The following OTUD5 variants were observed in gnomAD, a reference collection of about 807,000 sequenced individuals.
OTUD5 encodes OTU deubiquitinase 5.
Under a neutral mutation model 36.3 loss-of-function variants are expected in OTUD5, and 2 were observed. That is an observed-to-expected ratio of 0.06 (90% confidence interval 0.02 to 0.17). OTUD5 has a LOEUF of 0.17. Ranked by LOEUF, OTUD5 falls within the 10% of genes least tolerant of loss-of-function variation. The pLI is 1.00. For missense variants in OTUD5, 233 were observed against 512.3 expected (o/e 0.45, Z 5.26); for synonymous variants, 234 against 214.9 (o/e 1.09, Z -0.78).
chrX:48,929,314 G>C (rs924093579), intron 5 of OTUD5, among the ~76,000 whole-genome samples: 3 of 110,607 alleles, frequency 2.7e-5, no homozygotes, highest in African/African-American at 9.9e-5. Context: ...CTTGAACCAC[G>C]GAGGCTGAGG....
intron 5 of OTUD5, among the ~76,000 whole-genome samples, chrX:48,928,231 A>T (rs2063696090): frequency 8.9e-6 from 1 of 112,050 alleles, no homozygotes; most frequent in Admixed American, 9.5e-5. Context: ...ATCAAAACAT[A>T]ATCTTACAAC....
rs2063982327 is a variant in OTUD5 at position 48,944,181 on chromosome X, G to A, written c.688+9C>T. On this transcript the variant is annotated intron_variant, in intron 2 of 8. Transcript: ENST00000376488. Reference sequence around the variant, plus strand: ...CCCTAGGCCCTTAAGGACTAAGGCAGAGACTCACCTACAGCCCGGAAGAGA... The same window carrying A: ...CCCTAGGCCCTTAAGGACTAAGGCAAAGACTCACCTACAGCCCGGAAGAGA... The A allele has an allele frequency of 7.6e-6, 9 of 1,178,964 alleles. No homozygotes were observed. The highest frequency in any genetic ancestry group is 2.3e-4 in the Middle Eastern group (1 of 4,256).
At chrX:48,951,147 G>C (rs1231276917) in intron 1 of OTUD5, among the ~76,000 whole-genome samples, 1 of 108,536 alleles carries the variant, frequency 9.2e-6, no homozygotes, top group Non-Finnish European at 1.9e-5. Flanking sequence ...TGGGGGTGGG[G>C]TGGGGGGGCA....
At chrX:48,929,911 G>A (rs1407045636) in intron 5 of OTUD5, among the ~76,000 whole-genome samples, 2 of 110,131 alleles carry the variant, frequency 1.8e-5, no homozygotes, top group Non-Finnish European at 3.8e-5. Flanking sequence ...AGACCATCCT[G>A]GCTAAGACGG....
At chrX:48,942,193 C>A (rs1557051213) in intron 2 of OTUD5, among the ~76,000 whole-genome samples, 5 of 101,347 alleles carry the variant, frequency 4.9e-5, no homozygotes, top group Non-Finnish European at 1.0e-4. Context: ...CTAGCTAGCC[C>A]CAAGGGTCGG....
At chrX:48,957,720 G>T (rs1433376323), upstream of OTUD5, 2 of 782,169 alleles carry the variant, frequency 2.6e-6, no homozygotes, top group East Asian at 1.3e-4. Flanking sequence ...AACCCTCGGC[G>T]GCGGAGGAGG....
At chrX:48,938,107 A>C (rs1241310664) in intron 2 of OTUD5, among the ~76,000 whole-genome samples, 2 of 112,156 alleles carry the variant, frequency 1.8e-5, no homozygotes, top group Non-Finnish European at 1.9e-5. Flanking sequence ...TTCTTTACTT[A>C]TCTGTAAAAT....
intron 5 of OTUD5, among the ~76,000 whole-genome samples, chrX:48,933,496 ACCTCTG>A (rs1167825081): frequency 3.7e-5 from 4 of 108,599 alleles, no homozygotes; most frequent in African/African-American, 1.3e-4. Flanking sequence ...GCTCACTGCA[ACCTCTG>A]CCTCCCAGTT....
chrX:48,932,465 C>G (rs2063770335), intron 5 of OTUD5, among the ~76,000 whole-genome samples: 1 of 109,948 alleles, frequency 9.1e-6, no homozygotes, highest in Non-Finnish European at 1.9e-5. Flanking sequence ...GCTCGGATTA[C>G]AGGTGTGTGC....
chrX:48,928,372 T>G (rs1200416755), intron 5 of OTUD5, among the ~76,000 whole-genome samples: 2 of 112,243 alleles, frequency 1.8e-5, no homozygotes, highest in East Asian at 5.5e-4. Context: ...CAAGAATGTC[T>G]TTTAATAGGT....
chrX:48,953,010 A>G (rs2064173619), intron 1 of OTUD5, among the ~76,000 whole-genome samples: 1 of 112,345 alleles, frequency 8.9e-6, no homozygotes, highest in Admixed American at 9.4e-5. Flanking sequence ...GTGCAAGGTC[A>G]GACACACCTG....
chrX:48,940,101 G>C lies in OTUD5; in HGVS notation c.688+4089C>G, dbSNP rs371692377. On this transcript the variant is annotated intron_variant, in intron 2 of 8. Coordinates refer to ENST00000376488, the MANE Select transcript of OTUD5 (RefSeq NM_001136157.2). ...TCCTGAGGAGATGAGCCAGGACAAA[G>C]GTCTCACTTGCCTGTCAAGCAGCTG... 6.1e-5 allele frequency: 7 copies of C among 113,825 alleles called. No individual in the cohort carries two copies. The East Asian group carries it at 1.1e-3, about 18-fold the overall frequency. The allele number at this position is 113,825 out of a possible 1,213,427, so 9.4% of individuals were successfully genotyped here. A position where few individuals can be genotyped will look rare whatever the true frequency, so the allele number is the denominator to read the frequency against.
chrX:48,929,264 T>C (rs1361363398), intron 5 of OTUD5, among the ~76,000 whole-genome samples: 2 of 109,871 alleles, frequency 1.8e-5, no homozygotes, highest in Non-Finnish European at 3.8e-5. Context: ...GGCGCGTGCC[T>C]GTAATCCCAG....
intron 5 of OTUD5, among the ~76,000 whole-genome samples, chrX:48,930,206 A>C (rs1602378511): frequency 8.9e-6 from 1 of 112,667 alleles, no homozygotes; most frequent in East Asian, 2.8e-4. Context: ...CTGTAACACC[A>C]AAGGCAAAAA....
chrX:48,935,157 C>A (rs782064460), intron 2 of OTUD5, 139 bp from the exon 3 acceptor site: 14 of 567,559 alleles, frequency 2.5e-5, no homozygotes, highest in Admixed American at 9.6e-5. Context: ...AGAGTTCTTG[C>A]CCTTGTAGGC....
At position 48,923,742 on chromosome X, in the gene OTUD5, T is replaced by G. The variant is rs1188371589; in HGVS notation, c.1470A>C (p.Thr490=). 1 of 1,201,106 alleles carries G rather than the reference T, an allele frequency of 8.3e-7. No individual in the cohort carries two copies. Among genetic ancestry groups the G allele is most frequent in the Non-Finnish European group, 1.1e-6 (1 of 887,369 alleles). ...CGGCCCCTGCCGAGAACTGACTGCT[T>G]GTACCTGAAGCAGACGGACAGTCAA... ...AKPPSPCAPG[T]SSQFSAGADR... The change falls in exon 8 of 9, where the codon ACA becomes ACC. Residue 490 remains threonine, a synonymous_variant. Transcript: ENST00000376488.
Position 48,942,299 on chromosome X carries a change from T to TACACACACACACACACAC in OTUD5, c.688+1873_688+1890dup, listed in dbSNP as rs61325018. Among the ~76,000 whole-genome samples the TACACACACACACACACAC allele has an allele frequency of 1.1e-3, 59 of 55,013 alleles. 1 individual carries two copies. The highest frequency in any genetic ancestry group is 1.6e-3 in the Non-Finnish European group (47 of 28,725). The allele number at this position is 55,013 out of a possible 115,157, so 47.8% of individuals were successfully genotyped here. A position where few individuals can be genotyped will look rare whatever the true frequency, so the allele number is the denominator to read the frequency against. On this transcript the variant is annotated intron_variant, in intron 2 of 8. Transcript: ENST00000376488. Reference sequence around the variant, plus strand: ...CACACACAGAGAACAGCTAGCTAGATACACACACACACACACACACACACA... The same window carrying TACACACACACACACACAC: ...CACACACAGAGAACAGCTAGCTAGATACACACACACACACACACACACACACACACACACACACACACA...
At chrX:48,957,971 G>A, upstream of OTUD5, 2 of 269,183 alleles carry the variant, frequency 7.4e-6, no homozygotes, top group Non-Finnish European at 1.0e-5. Context: ...GGGGCGCTGC[G>A]CACGCGCGCC....
At position 48,949,819 on chromosome X, in the gene OTUD5, C is replaced by CT. The variant is rs201305894; in HGVS notation, c.595-5537dup. On this transcript the variant is annotated intron_variant, in intron 1 of 8. Coordinates refer to ENST00000376488, the MANE Select transcript of OTUD5 (RefSeq NM_001136157.2). ...AGTGAGCCAAGATTACGCCACTGCA[C>CT]TCCAGCCTGGGTGACAGAGGCCAGC... 3.6e-3 allele frequency among the ~76,000 whole-genome samples: 400 copies of CT among 111,026 alleles called. 1 individual carries two copies. The highest frequency in any genetic ancestry group is 6.0e-3 in the Non-Finnish European group (318 of 52,891).
Sources: gnomAD v4.1 joint callset for allele counts (sites outside exome capture counted in the v4.1 genomes callset) on GRCh38, gnomAD v4.1.1 for gene constraint, MANE v1.5 for transcripts, NCBI Gene and HGNC (gene_info 2026-07-23, HGNC 2026-07-21) for gene names.